Variants in PTPRA observed in about 807,000 individuals in gnomAD.
PTPRA encodes the protein protein tyrosine phosphatase receptor type A, also known as receptor-type tyrosine-protein phosphatase alpha.
PTPRA carries 25 observed loss-of-function variants against 104.8 expected under a neutral mutation model. That is an observed-to-expected ratio of 0.24 (90% confidence interval 0.17 to 0.33). The LOEUF (loss-of-function observed/expected upper bound fraction) is 0.33. Ranked by LOEUF, PTPRA falls within the 10% of genes least tolerant of loss-of-function variation. The probability of loss-of-function intolerance (pLI) is 1.00; values close to 1 mark genes in which losing one functional copy is unlikely to be tolerated. For synonymous variants in PTPRA, 323 were observed against 368.9 expected (o/e 0.88, Z 1.43); for missense variants, 765 against 1,015.3 (o/e 0.75, Z 3.35).
intron 3 of PTPRA, chr20:2,955,741 C>T (rs1245166822): frequency 1.4e-5 from 12 of 884,332 alleles, no homozygotes; most frequent in Non-Finnish European, 1.6e-5. Flanking sequence ...CCTACTCCTG[C>T]CTACTGTGTT....
chr20:3,029,540 C>CTTTTTTGTTTTTTTTTT (rs2065322461), intron 20 of PTPRA, among the ~76,000 whole-genome samples: 1 of 78,084 alleles, frequency 1.3e-5, no homozygotes, highest in African/African-American at 5.5e-5. Context: ...TCTTCATCAT[C>CTTTTTTGTTTTTTTTTT]TTTTTTTTTT....
At chr20:3,012,599 G>A (rs2064226477) in intron 11 of PTPRA, among the ~76,000 whole-genome samples, 1 of 152,236 alleles carries the variant, frequency 6.6e-6, no homozygotes, top group African/African-American at 2.4e-5. Context: ...CATCTGAGAA[G>A]GCAAAGATAA....
chr20:3,022,278 C>A lies in PTPRA; in HGVS notation c.1328+58C>A. 6.3e-7 allele frequency: 1 copy of A among 1,582,584 alleles called. No homozygotes were observed. Among genetic ancestry groups the A allele is most frequent in the Non-Finnish European group, 8.6e-7 (1 of 1,158,050 alleles). ...CCACATTTCGCCCCCATGGCCAGAG[C>A]AGGGGAACAGCACAAGGGCCCTGGC... On this transcript the variant is annotated intron_variant, in intron 15 of 23. Transcript: ENST00000399903. This position sits in a 1 kb window ranked among gnomAD's most constrained non-coding sequence, Gnocchi z 4.6.
intron 6 of PTPRA, among the ~76,000 whole-genome samples, chr20:2,983,568 C>CAAAAAAAAAAAAA (rs58694839): frequency 1.1e-5 from 1 of 93,418 alleles, no homozygotes; most frequent in Non-Finnish European, 2.2e-5. Flanking sequence ...AAAAAAAATG[C>CAAAAAAAAAAAAA]AAAAAAAAAA....
chr20:2,917,294 T>G (rs2059939461), intron 1 of PTPRA, among the ~76,000 whole-genome samples: 1 of 152,132 alleles, frequency 6.6e-6, no homozygotes, highest in Non-Finnish European at 1.5e-5. Context: ...ATAAGATGTC[T>G]TTCCATTTAT....
At chr20:2,953,337 C>T (rs1026234234) in intron 3 of PTPRA, among the ~76,000 whole-genome samples, 1 of 152,048 alleles carries the variant, frequency 6.6e-6, no homozygotes, top group East Asian at 1.9e-4. Context: ...TCACTGCAAC[C>T]TCTGCCCCCC....
rs1256703894 is a variant in PTPRA at position 2,898,378 on chromosome 20, C to G, written c.-129+24618C>G. On this transcript the variant is annotated intron_variant, in intron 1 of 23. Transcript: ENST00000399903. ...TACAGGCGTGAGCCACCGCGCCTGG[C>G]AATTTTTCTATTTTTAGTGGAGACA... Among the ~76,000 whole-genome samples, 4 of 151,400 alleles carry G rather than the reference C, an allele frequency of 2.6e-5. No individual in the cohort carries two copies. In the East Asian group the frequency reaches 8.0e-4, roughly 30 times the overall value.
chr20:2,895,224 C>T (rs541094682), intron 1 of PTPRA, among the ~76,000 whole-genome samples: 5 of 151,750 alleles, frequency 3.3e-5, no homozygotes, highest in African/African-American at 9.7e-5. Context: ...TACAGGCATG[C>T]GTCACCACAC....
At chr20:3,007,055 T>C (rs909646761) in intron 10 of PTPRA, among the ~76,000 whole-genome samples, 2 of 152,220 alleles carry the variant, frequency 1.3e-5, no homozygotes, top group Admixed American at 6.5e-5. Flanking sequence ...TTCTCTCTTT[T>C]AATAGTATAT....
intron 1 of PTPRA, among the ~76,000 whole-genome samples, chr20:2,875,873 C>A (rs1004519802): frequency 6.6e-6 from 1 of 151,930 alleles, no homozygotes; most frequent in Non-Finnish European, 1.5e-5. Flanking sequence ...TTTCCTGGGA[C>A]GGGGGGGCCT....
In PTPRA at chr20:2,904,312, A is replaced by G. The variant is rs199538025; in HGVS notation, c.-128-18895A>G. On this transcript the variant is annotated intron_variant, in intron 1 of 23. Transcript: ENST00000399903. ...AAATAGAGAAGAGAGAGTGCAAATT[A>G]ACGAGAAATAGGCAAGACTAATTTG... Among the ~76,000 whole-genome samples the G allele has an allele frequency of 2.6e-5, 4 of 152,306 alleles. No individual in the cohort carries two copies. In the East Asian group the frequency reaches 7.7e-4, roughly 29 times the overall value.
Position 3,037,264 on chromosome 20 carries a change from A to G in PTPRA, c.2309A>G (p.Gln770Arg). 1.2e-6 allele frequency: 2 copies of G among 1,614,236 alleles called. No homozygotes were observed. The highest frequency in any genetic ancestry group is 2.2e-5 in the East Asian group (1 of 44,880). The change falls in exon 23 of 24, where the codon CAG becomes CGG. Residue 770 changes from glutamine (Q) to arginine (R), a missense_variant. By Grantham distance (43) the Gln-to-Arg change is conservative. Coordinates refer to ENST00000399903, the MANE Select transcript of PTPRA (RefSeq NM_001385305.1). The surrounding 1 kb of genome is among the most constrained non-coding windows in gnomAD (Gnocchi z 4.3). The stretch of plus-strand genomic sequence containing the variant: ...CAGACTGTCAAGAGCCTGCGGCTAC[A>G]GAGGCCACACATGGTCCAGACACTG... ...VFQTVKSLRL[Q>R]RPHMVQTLEQ...
chr20:2,992,397 A>G (rs540103665), intron 9 of PTPRA, among the ~76,000 whole-genome samples: 2 of 152,212 alleles, frequency 1.3e-5, no homozygotes, highest in African/African-American at 4.8e-5. Flanking sequence ...AATGCCTGTA[A>G]TCCCAGCTAC....
intron 3 of PTPRA, among the ~76,000 whole-genome samples, chr20:2,954,584 A>G (rs1210650765): frequency 1.3e-5 from 2 of 152,158 alleles, no homozygotes; most frequent in Non-Finnish European, 2.9e-5. Context: ...AGCTCTTTGT[A>G]TATTCTGCAT....
chr20:2,923,212 A>G lies in PTPRA; in HGVS notation c.-123A>G, dbSNP rs866617579. Reference sequence around the variant, plus strand: ...TATTTTTCCTTTTGTTGCAGGTGACACAACTAAAAAAAAACAAAGGTATTT... The same window carrying G: ...TATTTTTCCTTTTGTTGCAGGTGACGCAACTAAAAAAAAACAAAGGTATTT... On this transcript the variant is annotated 5_prime_UTR_variant, in exon 2 of 24. Transcript: ENST00000399903. 2.8e-5 allele frequency: 34 copies of G among 1,218,414 alleles called. No homozygotes were observed. Among genetic ancestry groups the G allele is most frequent in the Middle Eastern group, 4.4e-4 (2 of 4,524 alleles). 75.5% of individuals were successfully genotyped at this position (1,218,414 alleles called of 1,614,324 possible).
intron 1 of PTPRA, among the ~76,000 whole-genome samples, chr20:2,917,758 G>T: frequency 6.6e-6 from 1 of 151,770 alleles, no homozygotes; most frequent in East Asian, 1.9e-4. Flanking sequence ...GATTGCTTGA[G>T]CCTGGGAGTT....
chr20:3,016,392 G>A (rs987641232), intron 12 of PTPRA, among the ~76,000 whole-genome samples: 2 of 152,202 alleles, frequency 1.3e-5, no homozygotes, highest in Non-Finnish European at 2.9e-5. Flanking sequence ...CAGGCCTGCT[G>A]TTCTAACAAC....
intron 1 of PTPRA, among the ~76,000 whole-genome samples, chr20:2,889,741 C>T (rs1206996061): frequency 1.3e-5 from 2 of 152,096 alleles, no homozygotes; most frequent in African/African-American, 4.8e-5. Flanking sequence ...TATTATTGGT[C>T]AGAGATTTGA....
chr20:2,974,885 T>TA (rs2062365040), intron 5 of PTPRA, among the ~76,000 whole-genome samples: 3 of 152,350 alleles, frequency 2.0e-5, no homozygotes, highest in African/African-American at 7.2e-5. Flanking sequence ...TTTTATTACT[T>TA]ATCATTTTGG....
Sources: allele counts gnomAD v4.1 joint callset (sites outside exome capture counted in the v4.1 genomes callset), GRCh38; gene constraint gnomAD v4.1.1; non-coding constraint Gnocchi (gnomAD v3.1); transcripts MANE v1.5; gene names NCBI Gene and HGNC (gene_info 2026-07-23, HGNC 2026-07-21).